The following CLASP1 variants were observed in gnomAD, a reference collection of about 807,000 sequenced individuals.
CLASP1 encodes CLIP-associating protein 1.
A neutral mutation model predicts 192.3 loss-of-function variants in CLASP1; 38 were observed. That is an observed-to-expected ratio of 0.20 (90% CI 0.15 to 0.26). The LOEUF (loss-of-function observed/expected upper bound fraction) is 0.26. Among genes scored for constraint, CLASP1 ranks in the 10% least tolerant of loss-of-function variants. CLASP1 has a pLI of 1.00. For missense variants in CLASP1, 1,433 were observed against 1,932.5 expected (o/e 0.74, Z 4.85); for synonymous variants, 691 against 712.8 (o/e 0.97, Z 0.49).
intron 37 of CLASP1, among the ~76,000 whole-genome samples, chr2:121,360,263 A>G (rs889815016): frequency 3.9e-5 from 6 of 152,210 alleles, no homozygotes; most frequent in Non-Finnish European, 7.3e-5. Context: ...CTAGCTTCTT[A>G]TTGAGAACGA....
At chr2:121,594,872 A>G (rs1399779075) in intron 2 of CLASP1, among the ~76,000 whole-genome samples, 1 of 152,212 alleles carries the variant, frequency 6.6e-6, no homozygotes, top group Non-Finnish European at 1.5e-5. Flanking sequence ...TAAAGAGTTA[A>G]CACTGGGGTC....
At chr2:121,557,981 T>C (rs2058728171) in intron 2 of CLASP1, among the ~76,000 whole-genome samples, 1 of 147,676 alleles carries the variant, frequency 6.8e-6, no homozygotes, top group Admixed American at 6.8e-5. Flanking sequence ...CTCAGGAGGC[T>C]GAGGCAGAGA....
chr2:121,534,128 C>T lies in CLASP1; in HGVS notation c.196-3803G>A, dbSNP rs13386399. Among the ~76,000 whole-genome samples, 1,280 of 152,330 alleles carry T rather than the reference C, an allele frequency of 8.4e-3. 14 individuals are homozygous for T. Among genetic ancestry groups the T allele is most frequent in the African/African-American group, 0.028 (1,181 of 41,560 alleles). ...AAAATTTACAGATATAAGCCTGCAACAACTGGTTCACTTTGCCCTGGGGCC... is the reference window on the plus strand; with the variant it reads ...AAAATTTACAGATATAAGCCTGCAATAACTGGTTCACTTTGCCCTGGGGCC... On this transcript the variant is annotated intron_variant, in intron 2 of 39. Transcript: ENST00000263710.
chr2:121,613,864 C>T (rs981242166), intron 1 of CLASP1, among the ~76,000 whole-genome samples: 1 of 152,128 alleles, frequency 6.6e-6, no homozygotes, highest in Non-Finnish European at 1.5e-5. Flanking sequence ...CATAAGTCTA[C>T]GAGGTGGCTG....
chr2:121,580,058 C>T (rs1210250993), intron 2 of CLASP1, among the ~76,000 whole-genome samples: 1 of 152,148 alleles, frequency 6.6e-6, no homozygotes, highest in Non-Finnish European at 1.5e-5. Flanking sequence ...AAAAGTGGGA[C>T]TGATGCAGTG....
At chr2:121,518,375 T>C (rs868129215) in intron 6 of CLASP1, among the ~76,000 whole-genome samples, 24 of 149,924 alleles carry the variant, frequency 1.6e-4, no homozygotes, top group South Asian at 1.1e-3. Context: ...TATAAGCACA[T>C]AGTGAGATGG....
At chr2:121,406,772 G>A (rs970351884) in intron 25 of CLASP1, among the ~76,000 whole-genome samples, 12 of 151,992 alleles carry the variant, frequency 7.9e-5, no homozygotes, top group African/African-American at 2.9e-4. Flanking sequence ...TAACTTTTTT[G>A]TAGAGATGGG....
chr2:121,607,504 C>T (rs758241933), intron 1 of CLASP1, among the ~76,000 whole-genome samples: 4 of 152,126 alleles, frequency 2.6e-5, no homozygotes, highest in Non-Finnish European at 5.9e-5. Context: ...GTACCAAAAC[C>T]GTTCTAACTA....
exon 40 of CLASP1, chr2:121,340,790 G>C: frequency 8.7e-7 from 1 of 1,155,008 alleles, no homozygotes; most frequent in Non-Finnish European, 1.3e-6. Flanking sequence ...AGCCGATGAA[G>C]GGGGTGGGGA....
intron 37 of CLASP1, among the ~76,000 whole-genome samples, chr2:121,352,821 T>C (rs1189454749): frequency 1.3e-5 from 2 of 151,982 alleles, no homozygotes; most frequent in Admixed American, 6.6e-5. Flanking sequence ...ACCCAGCTAA[T>C]TTTTGTATTT....
chr2:121,607,700 G>C (rs1204488014), intron 1 of CLASP1, among the ~76,000 whole-genome samples: 1 of 152,098 alleles, frequency 6.6e-6, no homozygotes, highest in African/African-American at 2.4e-5. Context: ...TTTCACACCA[G>C]TAGTAAGTCC....
intron 33 of CLASP1, among the ~76,000 whole-genome samples, chr2:121,378,764 A>G (rs2070890186): frequency 6.6e-6 from 1 of 152,164 alleles, no homozygotes; most frequent in Admixed American, 6.5e-5. Flanking sequence ...GGGACACGCG[A>G]AGAATCCTTG....
chr2:121,452,940 C>T (rs956319654), intron 14 of CLASP1, among the ~76,000 whole-genome samples: 2 of 152,210 alleles, frequency 1.3e-5, no homozygotes, highest in Admixed American at 6.5e-5. Context: ...AATGACCAGA[C>T]TTTCTTTCCT....
rs543094728 is a variant in CLASP1 at position 121,464,091 on chromosome 2, C to T, written c.866-1486G>A. Among the ~76,000 whole-genome samples the T allele has an allele frequency of 4.7e-3, 699 of 148,448 alleles. 2 individuals carry two copies. The highest frequency in any genetic ancestry group is 0.016 in the African/African-American group (652 of 40,300). On this transcript the variant is annotated intron_variant, in intron 9 of 39. Transcript: ENST00000263710. Reference sequence around the variant, plus strand: ...ATTCCCACCTATGAGTGAGCATATGCGGTGTTTGGTTTTTTGTTCTTGCGA... The same window carrying T: ...ATTCCCACCTATGAGTGAGCATATGTGGTGTTTGGTTTTTTGTTCTTGCGA...
At chr2:121,503,346 A>C (rs2093824069) in intron 7 of CLASP1, 112 bp from the exon 8 acceptor site, 1 of 645,286 alleles carries the variant, frequency 1.5e-6, no homozygotes, top group African/African-American at 1.8e-5. Context: ...AAACAATGGT[A>C]CAGACCCACC....
intron 8 of CLASP1, among the ~76,000 whole-genome samples, chr2:121,486,199 G>A (rs2092961259): frequency 6.6e-6 from 1 of 152,140 alleles, no homozygotes; most frequent in Admixed American, 6.5e-5. Flanking sequence ...AGAATAGTAG[G>A]ACATTGAAAT....
chr2:121,635,332 T>C (rs898973496), intron 1 of CLASP1, among the ~76,000 whole-genome samples: 1 of 152,228 alleles, frequency 6.6e-6, no homozygotes, highest in African/African-American at 2.4e-5. Context: ...TTATGTTGCT[T>C]GGAACTAAAG....
chr2:121,380,077 T>G (rs577327995), intron 33 of CLASP1, among the ~76,000 whole-genome samples: 1 of 152,354 alleles, frequency 6.6e-6, no homozygotes, highest in Admixed American at 6.5e-5. Flanking sequence ...TGCTTACCTC[T>G]AGGAGGAAAC....
chr2:121,348,574 C>T (rs751745405), exon 38 of CLASP1: 10 of 1,613,494 alleles, frequency 6.2e-6, no homozygotes, highest in Non-Finnish European at 7.6e-6. Flanking sequence ...GCGATCCTCT[C>T]GACGACTTTG....
Sources: gnomAD v4.1 joint callset for allele counts (sites outside exome capture counted in the v4.1 genomes callset) on GRCh38, gnomAD v4.1.1 for gene constraint, MANE v1.5 for transcripts, NCBI Gene and HGNC (gene_info 2026-07-23, HGNC 2026-07-21) for gene names.